TAF3: variants seen among roughly 807,000 people sequenced by gnomAD.
The protein encoded by TAF3 is TATA-box binding protein associated factor 3, also known as transcription initiation factor TFIID subunit 3.
TAF3 carries 7 observed loss-of-function variants against 80.6 expected under a neutral mutation model. That is an observed-to-expected ratio of 0.09 (90% confidence interval 0.05 to 0.16). The LOEUF is 0.16. Ranked by LOEUF, TAF3 falls within the 10% of genes least tolerant of loss-of-function variation. The probability of loss-of-function intolerance (pLI) is 1.00; values close to 1 mark genes in which losing one functional copy is unlikely to be tolerated. For missense variants in TAF3, 921 were observed against 1,140.2 expected (o/e 0.81, Z 2.77); for synonymous variants, 444 against 446.1 (o/e 1.00, Z 0.06).
chr10:7,983,671 C>T lies in TAF3; in HGVS notation c.2315+6348C>T, dbSNP rs191443330. On this transcript the variant is annotated intron_variant, in intron 4 of 6. Coordinates refer to ENST00000344293, the MANE Select transcript of TAF3 (RefSeq NM_031923.4). ...AAACATTTCATAGGTATTTTGCCTACGTTAAAAGCTAAACATCATGAGCTG... is the reference window on the plus strand; with the variant it reads ...AAACATTTCATAGGTATTTTGCCTATGTTAAAAGCTAAACATCATGAGCTG... Among the ~76,000 whole-genome samples, 110 of 152,120 alleles carry T rather than the reference C, an allele frequency of 7.2e-4. 1 individual carries two copies. In the South Asian group the frequency reaches 0.014, roughly 19 times the overall value.
At chr10:7,835,672 C>T (rs1277212881) in intron 2 of TAF3, among the ~76,000 whole-genome samples, 3 of 152,146 alleles carry the variant, frequency 2.0e-5, no homozygotes, top group Non-Finnish European at 2.9e-5. Context: ...CCCATCCTTC[C>T]CAGCCTCAGC....
chr10:7,884,705 G>T (rs1837392628), intron 2 of TAF3, among the ~76,000 whole-genome samples: 1 of 152,090 alleles, frequency 6.6e-6, no homozygotes, highest in Non-Finnish European at 1.5e-5. Flanking sequence ...TTTTTTTGAA[G>T]AATAGAGTCT....
intron 4 of TAF3, among the ~76,000 whole-genome samples, chr10:8,002,620 T>A (rs559686551): frequency 2.6e-5 from 4 of 152,210 alleles, no homozygotes; most frequent in Non-Finnish European, 4.4e-5. Flanking sequence ...GTCAGTTTCT[T>A]TCATTGTTCA....
At chr10:7,835,973 C>T (rs952043684) in intron 2 of TAF3, among the ~76,000 whole-genome samples, 4 of 152,180 alleles carry the variant, frequency 2.6e-5, no homozygotes, top group Admixed American at 6.5e-5. Flanking sequence ...GCTTTCATCA[C>T]TGTTGGGCAA....
intron 2 of TAF3, among the ~76,000 whole-genome samples, chr10:7,944,193 A>G (rs896503250): frequency 6.7e-6 from 1 of 149,958 alleles, no homozygotes. Flanking sequence ...ATGATTGTCA[A>G]TTTTATTTTC....
At chr10:7,871,809 A>G (rs1219429203) in intron 2 of TAF3, among the ~76,000 whole-genome samples, 2 of 152,198 alleles carry the variant, frequency 1.3e-5, no homozygotes, top group African/African-American at 4.8e-5. Flanking sequence ...TCATACATTT[A>G]ATGAATTAGA....
At chr10:7,872,038 G>A (rs899927847) in intron 2 of TAF3, among the ~76,000 whole-genome samples, 2 of 152,040 alleles carry the variant, frequency 1.3e-5, no homozygotes, top group Non-Finnish European at 2.9e-5. Context: ...ATTGATTTAG[G>A]TTTAAAGTGA....
intron 2 of TAF3, among the ~76,000 whole-genome samples, chr10:7,915,582 G>A (rs1837703652): frequency 6.7e-6 from 1 of 148,672 alleles, no homozygotes; most frequent in Non-Finnish European, 1.5e-5. Flanking sequence ...GGCGGATCTT[G>A]CAGTGAGTTG....
At chr10:7,899,951 A>G (rs1002910615) in intron 2 of TAF3, among the ~76,000 whole-genome samples, 1 of 152,222 alleles carries the variant, frequency 6.6e-6, no homozygotes, top group Non-Finnish European at 1.5e-5. Flanking sequence ...CTTTTGAACT[A>G]CAGTGAAGAT....
intron 2 of TAF3, among the ~76,000 whole-genome samples, chr10:7,825,223 A>G (rs781553711): frequency 1.3e-5 from 2 of 152,240 alleles, no homozygotes; most frequent in Non-Finnish European, 2.9e-5. Flanking sequence ...ATTTTTTCTT[A>G]TAAGAGTTGG....
intron 2 of TAF3, among the ~76,000 whole-genome samples, chr10:7,902,338 A>C (rs1837566016): frequency 6.6e-6 from 1 of 152,036 alleles, no homozygotes; most frequent in South Asian, 2.1e-4. Flanking sequence ...CAGGAGAATC[A>C]CTTGAACCTG....
Position 7,862,593 on chromosome 10 carries a change from T to G in TAF3, c.409+38033T>G, listed in dbSNP as rs564510996. 1.0e-3 allele frequency among the ~76,000 whole-genome samples: 158 copies of G among 152,374 alleles called. 1 individual carries two copies. The highest frequency in any genetic ancestry group is 3.6e-3 in the African/African-American group (150 of 41,584). ...AAGTTTTGACATATGTATATACTTG[T>G]GAAAGCATTGTCACAGTCAAAATTA... On this transcript the variant is annotated intron_variant, in intron 2 of 6. Coordinates refer to ENST00000344293, the MANE Select transcript of TAF3 (RefSeq NM_031923.4).
chr10:7,954,096 A>G (rs1358849022), intron 2 of TAF3, among the ~76,000 whole-genome samples: 1 of 134,052 alleles, frequency 7.5e-6, no homozygotes, highest in Non-Finnish European at 1.6e-5. Flanking sequence ...CTCCATAGTG[A>G]GATTTAGAGT....
Position 8,009,802 on chromosome 10 carries a change from T to C in TAF3, c.2568+472T>C, listed in dbSNP as rs1353090299. On this transcript the variant is annotated intron_variant, in intron 5 of 6. Transcript: ENST00000344293. The surrounding 1 kb of genome is among the most constrained non-coding windows in gnomAD (Gnocchi z 4.1). ...ACACCTGGCCAATTTTTTGTATTTT[T>C]AGTAGAAACGGTTTCACCGTGTTAG... Among the ~76,000 whole-genome samples the C allele has an allele frequency of 1.3e-5, 2 of 151,992 alleles. No individual in the cohort carries two copies. Among genetic ancestry groups the C allele is most frequent in the Non-Finnish European group, 2.9e-5 (2 of 67,970 alleles).
chr10:7,879,692 C>G (rs930355558), intron 2 of TAF3, among the ~76,000 whole-genome samples: 9 of 152,142 alleles, frequency 5.9e-5, no homozygotes, highest in Non-Finnish European at 1.3e-4. Flanking sequence ...GGGTAACTCA[C>G]TTTATTCATC....
At chr10:8,000,607 C>CA (rs1229485479) in intron 4 of TAF3, among the ~76,000 whole-genome samples, 5 of 151,746 alleles carry the variant, frequency 3.3e-5, no homozygotes, top group Admixed American at 6.6e-5. Flanking sequence ...TCTCTACACA[C>CA]AAAAAAATAC....
At position 7,967,281 on chromosome 10, in the gene TAF3, CAG is replaced by C. The variant is rs199635542; in HGVS notation, c.2232+1540_2232+1541del. 1.6e-4 allele frequency among the ~76,000 whole-genome samples: 24 copies of C among 152,350 alleles called. No homozygotes were observed. In the East Asian group the frequency reaches 4.0e-3, roughly 26 times the overall value. On this transcript the variant is annotated intron_variant, in intron 3 of 6. Transcript: ENST00000344293. ...GCAGCTGAGCCCTCAGTAAATCAAA[CAG>C]GGGACTGTTCCTGTCACCACCATCT... is the stretch of plus-strand genomic sequence containing the variant.
intron 2 of TAF3, among the ~76,000 whole-genome samples, chr10:7,942,279 A>G (rs759572648): frequency 3.3e-5 from 5 of 152,210 alleles, no homozygotes; most frequent in Non-Finnish European, 5.9e-5. Context: ...TATAAATATT[A>G]CTTATCTGAA....
chr10:7,850,843 G>C (rs1046023984), intron 2 of TAF3, among the ~76,000 whole-genome samples: 3 of 152,058 alleles, frequency 2.0e-5, no homozygotes, highest in Non-Finnish European at 4.4e-5. Context: ...TAAGTTAGCT[G>C]TACTGTCATC....
Sources: gnomAD v4.1 joint callset for allele counts (sites outside exome capture counted in the v4.1 genomes callset) on GRCh38, gnomAD v4.1.1 for gene constraint, Gnocchi (gnomAD v3.1) non-coding constraint, MANE v1.5 for transcripts, NCBI Gene and HGNC (gene_info 2026-07-23, HGNC 2026-07-21) for gene names.